The following IL2RA variants were observed in gnomAD, a reference collection of about 807,000 sequenced individuals.
IL2RA encodes interleukin-2 receptor subunit alpha.
IL2RA carries 24 observed loss-of-function variants against 37.8 expected under a neutral mutation model. The ratio of observed to expected loss-of-function variants is 0.63; its 90% CI spans 0.46 to 0.89. The LOEUF is 0.89. Ranked by LOEUF, IL2RA falls within the 40% of genes least tolerant of loss-of-function variation. The pLI, the probability that IL2RA is intolerant of heterozygous loss-of-function variation, is 0.00. For synonymous variants in IL2RA, 125 were observed against 114.6 expected (o/e 1.09, Z -0.58); for missense variants, 319 against 348.6 (o/e 0.92, Z 0.68).
rs1300297315 is a variant in IL2RA, at chr10:6,029,535, C to T, written c.65-3510G>A. On this transcript the variant is annotated intron_variant, in intron 1 of 7. Coordinates refer to ENST00000379959, the MANE Select transcript of IL2RA (RefSeq NM_000417.3). This position sits in a 1 kb window ranked among gnomAD's most constrained non-coding sequence, Gnocchi z 4.6. ...TTTATTTACATTTTGTCTATGGCTG[C>T]TTTTCTGCTATAATGGCAGAGTTGA... is the stretch of plus-strand genomic sequence containing the variant. Among the ~76,000 whole-genome samples the T allele has an allele frequency of 6.6e-6, 1 of 152,062 alleles. No homozygotes were observed.
Position 6,046,578 on chromosome 10 carries a change from GC to G in IL2RA, c.64+15509del, listed in dbSNP as rs1283459543. Among the ~76,000 whole-genome samples, 1 of 152,156 alleles carries G rather than the reference GC, an allele frequency of 6.6e-6. No individual in the cohort carries two copies. On this transcript the variant is annotated intron_variant, in intron 1 of 7. Coordinates refer to ENST00000379959, the MANE Select transcript of IL2RA (RefSeq NM_000417.3). This position sits in a 1 kb window ranked among gnomAD's most constrained non-coding sequence, Gnocchi z 4.8. Reference sequence around the variant, plus strand: ...TCAGACACATAAATGCAACCTCAAGGCTTTTGCTGAGTTTAGTCTTTGTATT... The same window carrying G: ...TCAGACACATAAATGCAACCTCAAGGTTTTGCTGAGTTTAGTCTTTGTATT...
rs1409029888 is a variant in IL2RA at position 6,046,131 on chromosome 10, C to T, written c.64+15957G>A. On this transcript the variant is annotated intron_variant, in intron 1 of 7. Transcript: ENST00000379959. The surrounding 1 kb of genome is among the most constrained non-coding windows in gnomAD (Gnocchi z 4.8). ...ATCTCGCAGGGGAACCTCTTGTACCCCTTTTCCTTCCTGCTCTCAAGAATT... is the reference window on the plus strand; with the variant it reads ...ATCTCGCAGGGGAACCTCTTGTACCTCTTTTCCTTCCTGCTCTCAAGAATT... Among the ~76,000 whole-genome samples, 3 of 152,328 alleles carry T rather than the reference C, an allele frequency of 2.0e-5. No homozygotes were observed. Among genetic ancestry groups the T allele is most frequent in the Non-Finnish European group, 4.4e-5 (3 of 68,032 alleles).
rs1351671875 is a variant in IL2RA, at chr10:6,029,861, T to C, written c.65-3836A>G. Among the ~76,000 whole-genome samples, 1 of 152,124 alleles carries C rather than the reference T, an allele frequency of 6.6e-6. No homozygotes were observed. Among genetic ancestry groups the C allele is most frequent in the Non-Finnish European group, 1.5e-5 (1 of 68,012 alleles). The stretch of plus-strand genomic sequence containing the variant: ...CTTGGATTACGGGCACATGCCATCA[T>C]ACATGGCTAATTTTTGTATTTTTAG... On this transcript the variant is annotated intron_variant, in intron 1 of 7. Coordinates refer to ENST00000379959, the MANE Select transcript of IL2RA (RefSeq NM_000417.3). The surrounding 1 kb of genome is among the most constrained non-coding windows in gnomAD (Gnocchi z 4.6).
Position 6,019,961 on chromosome 10 carries a change from A to T in IL2RA, c.584-20T>A. 6.2e-7 allele frequency: 1 copy of T among 1,607,506 alleles called. No homozygotes were observed. Among genetic ancestry groups the T allele is most frequent in the East Asian group, 2.2e-5 (1 of 44,840 alleles). On this transcript the variant is annotated intron_variant, in intron 4 of 7. Transcript: ENST00000379959. ...CTTCACCTGGGGGAGAGAGTAAGTG[A>T]TGCTGGTGGAGCTAAACACAGGAGT...
Position 6,058,824 on chromosome 10 carries a change from CAGG to C in IL2RA, c.64+3261_64+3263del, listed in dbSNP as rs1840085378. ...CAATAACGTGCCATATTGGTAATAC[CAGG>C]AGAATTCTCTTTCTGACCACATCCC... On this transcript the variant is annotated intron_variant, in intron 1 of 7. Coordinates refer to ENST00000379959, the MANE Select transcript of IL2RA (RefSeq NM_000417.3). This position sits in a 1 kb window ranked among gnomAD's most constrained non-coding sequence, Gnocchi z 4.2. 6.6e-6 allele frequency among the ~76,000 whole-genome samples: 1 copy of C among 152,116 alleles called. No individual in the cohort carries two copies. Among genetic ancestry groups the C allele is most frequent in the Non-Finnish European group, 1.5e-5 (1 of 68,026 alleles).
chr10:6,052,639 G>A (rs1053644054), intron 1 of IL2RA, among the ~76,000 whole-genome samples: 4 of 132,874 alleles, frequency 3.0e-5, no homozygotes, highest in South Asian at 2.5e-4. Flanking sequence ...GGGAGAAAAC[G>A]CGCCCCCCCT....
At chr10:6,045,332 G>T (rs1107345) in intron 1 of IL2RA, among the ~76,000 whole-genome samples, 27,588 of 152,044 alleles carry the variant, frequency 0.18, 3,011 homozygotes, top group East Asian at 0.27. Flanking sequence ...ATGGGGTGGT[G>T]GGGTGGAGGG....
In IL2RA at chr10:6,056,690, G is replaced by T. The variant is rs940945994; in HGVS notation, c.64+5398C>A. Among the ~76,000 whole-genome samples, 1 of 152,070 alleles carries T rather than the reference G, an allele frequency of 6.6e-6. No individual in the cohort carries two copies. Among genetic ancestry groups the T allele is most frequent in the Non-Finnish European group, 1.5e-5 (1 of 68,016 alleles). On this transcript the variant is annotated intron_variant, in intron 1 of 7. Transcript: ENST00000379959. The surrounding 1 kb of genome is among the most constrained non-coding windows in gnomAD (Gnocchi z 5.0). ...AATCACTTGAACCCAGGAGCTGAAGGTTGCAGTGAGTTGAGATTGCACCAC... is the reference window on the plus strand; with the variant it reads ...AATCACTTGAACCCAGGAGCTGAAGTTTGCAGTGAGTTGAGATTGCACCAC...
intron 1 of IL2RA, among the ~76,000 whole-genome samples, chr10:6,037,069 C>A (rs187700174): frequency 6.6e-6 from 1 of 152,098 alleles, no homozygotes; most frequent in Non-Finnish European, 1.5e-5. Flanking sequence ...CCATCTGCCC[C>A]CTGGGTGAGG....
At chr10:6,052,641 GC>G (rs12722501) in intron 1 of IL2RA, among the ~76,000 whole-genome samples, 49,414 of 151,722 alleles carry the variant, frequency 0.33, 8,201 homozygotes, top group South Asian at 0.36. Flanking sequence ...GAGAAAACGC[GC>G]CCCCCCTCAC....
At chr10:6,013,188 G>A (rs1316334187) in intron 7 of IL2RA, among the ~76,000 whole-genome samples, 1 of 152,162 alleles carries the variant, frequency 6.6e-6, no homozygotes, top group African/African-American at 2.4e-5. Context: ...AACTAACTGT[G>A]CTAAATGATG....
In IL2RA at chr10:6,020,826, C is replaced by A. The variant is rs1274523061; in HGVS notation, c.583+652G>T. On this transcript the variant is annotated intron_variant, in intron 4 of 7. Coordinates refer to ENST00000379959, the MANE Select transcript of IL2RA (RefSeq NM_000417.3). This position sits in a 1 kb window ranked among gnomAD's most constrained non-coding sequence, Gnocchi z 5.6. ...GGGATTACAGGTGTGAGCCACTGTG[C>A]CCAGCCTGCATGTAAGTCACTTTTG... Among the ~76,000 whole-genome samples the A allele has an allele frequency of 6.6e-6, 1 of 152,156 alleles. No homozygotes were observed. The highest frequency in any genetic ancestry group is 1.5e-5 in the Non-Finnish European group (1 of 68,036).
At chr10:6,052,582 C>T (rs1156646105) in intron 1 of IL2RA, among the ~76,000 whole-genome samples, 1 of 152,210 alleles carries the variant, frequency 6.6e-6, no homozygotes, top group African/African-American at 2.4e-5. Flanking sequence ...AACCCATCAG[C>T]TGCCTGTACT....
rs1307224590 is a variant in IL2RA, at chr10:6,036,721, C to A, written c.65-10696G>T. ...GAGTAGAATGAAAATTAATTTTTCC[C>A]TGAGCTATTTTTGTGTCCCTTGAGT... On this transcript the variant is annotated intron_variant, in intron 1 of 7. Transcript: ENST00000379959. The surrounding 1 kb of genome is among the most constrained non-coding windows in gnomAD (Gnocchi z 6.1). 6.6e-6 allele frequency among the ~76,000 whole-genome samples: 1 copy of A among 152,126 alleles called. No individual in the cohort carries two copies. Among genetic ancestry groups the A allele is most frequent in the East Asian group, 1.9e-4 (1 of 5,192 alleles).
In IL2RA at chr10:6,012,903, T is replaced by C. The variant is rs750285734; in HGVS notation, c.795-7A>G. Reference sequence around the variant, plus strand: ...TGTTCTTCTACTCTTCCTCCTGTAGTGGTGTAACAAAGTCACGGTCATATG... The same window carrying C: ...TGTTCTTCTACTCTTCCTCCTGTAGCGGTGTAACAAAGTCACGGTCATATG... On this transcript the variant is annotated splice_polypyrimidine_tract_variant and splice_region_variant and intron_variant, in intron 7 of 7. Transcript: ENST00000379959. This position sits in a 1 kb window ranked among gnomAD's most constrained non-coding sequence, Gnocchi z 4.8. 4.3e-6 allele frequency: 7 copies of C among 1,614,068 alleles called. No individual in the cohort carries two copies. The highest frequency in any genetic ancestry group is 3.3e-4 in the Middle Eastern group (2 of 6,062).
At chr10:6,027,308 C>A (rs1839500314) in intron 1 of IL2RA, among the ~76,000 whole-genome samples, 1 of 151,226 alleles carries the variant, frequency 6.6e-6, no homozygotes, top group South Asian at 2.1e-4. Flanking sequence ...CCTGGGAAAC[C>A]CAGCAAGACT....
At chr10:6,024,179 A>G in intron 3 of IL2RA, 65 bp downstream of exon 3, 1 of 1,064,826 alleles carries the variant, frequency 9.4e-7, no homozygotes, top group Non-Finnish European at 1.5e-6. Context: ...TTGGGTACAC[A>G]TCATCTGCCT....
chr10:6,051,026 C>T lies in IL2RA; in HGVS notation c.64+11062G>A, dbSNP rs117119468. Among the ~76,000 whole-genome samples the T allele has an allele frequency of 9.1e-3, 1,377 of 151,756 alleles. 10 individuals carry two copies. The highest frequency in any genetic ancestry group is 0.014 in the Non-Finnish European group (970 of 67,926). On this transcript the variant is annotated intron_variant, in intron 1 of 7. Coordinates refer to ENST00000379959, the MANE Select transcript of IL2RA (RefSeq NM_000417.3). ...GGCGTCAGACAGATGTCTGGAGAGA[C>T]GGCTCTTTTATTCTGAAACACCCCT...
Position 6,035,143 on chromosome 10 carries a change from C to T in IL2RA, c.65-9118G>A, listed in dbSNP as rs1278607037. 6.6e-6 allele frequency among the ~76,000 whole-genome samples: 1 copy of T among 152,152 alleles called. No homozygotes were observed. Among genetic ancestry groups the T allele is most frequent in the East Asian group, 1.9e-4 (1 of 5,180 alleles). ...CACAGGGCTGAGAAGCAGTGGGGCTCCTGTCCACCCTGCCCAGCACCTACT... is the reference window on the plus strand; with the variant it reads ...CACAGGGCTGAGAAGCAGTGGGGCTTCTGTCCACCCTGCCCAGCACCTACT... On this transcript the variant is annotated intron_variant, in intron 1 of 7. Transcript: ENST00000379959. This position sits in a 1 kb window ranked among gnomAD's most constrained non-coding sequence, Gnocchi z 5.4.
Sources: allele counts gnomAD v4.1 joint callset (sites outside exome capture counted in the v4.1 genomes callset), GRCh38; gene constraint gnomAD v4.1.1; non-coding constraint Gnocchi (gnomAD v3.1); transcripts MANE v1.5; gene names NCBI Gene and HGNC (gene_info 2026-07-23, HGNC 2026-07-21).